The following RAD54L2 variants were observed in gnomAD, a reference collection of about 807,000 sequenced individuals.
RAD54L2 encodes helicase ARIP4.
A neutral mutation model predicts 138.4 loss-of-function variants in RAD54L2; 27 were observed. That is an observed-to-expected ratio of 0.20 (90% CI 0.14 to 0.27). RAD54L2 has a LOEUF of 0.27. Ranked by LOEUF, RAD54L2 falls within the 10% of genes least tolerant of loss-of-function variation. The pLI is 1.00. For missense variants in RAD54L2, 1,396 were observed against 1,890.2 expected, an observed-to-expected ratio of 0.74 and a Z score of 4.85; for synonymous variants, 644 against 723.2, an observed-to-expected ratio of 0.89 and a Z score of 1.76.
intron 2 of RAD54L2, among the ~76,000 whole-genome samples, chr3:51,553,923 T>G (rs1698903334): frequency 6.6e-6 from 1 of 152,200 alleles, no homozygotes; most frequent in Admixed American, 6.6e-5. Context: ...TACCTTAATT[T>G]TAAAATGCTT....
chr3:51,602,921 C>T (rs1423043544), intron 3 of RAD54L2, among the ~76,000 whole-genome samples: 7 of 152,002 alleles, frequency 4.6e-5, no homozygotes, highest in Admixed American at 4.6e-4. Flanking sequence ...GCCTTGAACT[C>T]CTGGGCTGAA....
At chr3:51,642,123 A>G (rs182695771) in intron 15 of RAD54L2, among the ~76,000 whole-genome samples, 37 of 152,194 alleles carry the variant, frequency 2.4e-4, no homozygotes, top group Non-Finnish European at 4.4e-4. Flanking sequence ...TGACAATTCA[A>G]GAACAATTGA....
At chr3:51,661,418 A>T (rs1206360842) in intron 22 of RAD54L2, among the ~76,000 whole-genome samples, 3 of 152,260 alleles carry the variant, frequency 2.0e-5, no homozygotes, top group Non-Finnish European at 4.4e-5. Context: ...TGTATTAATT[A>T]GTTCCCTGTC....
chr3:51,569,934 A>G (rs1284289740), intron 2 of RAD54L2, among the ~76,000 whole-genome samples: 2 of 151,626 alleles, frequency 1.3e-5, no homozygotes, highest in Middle Eastern at 3.4e-3. Context: ...CCCTGGGCTC[A>G]AAATACTTCC....
intron 19 of RAD54L2, among the ~76,000 whole-genome samples, chr3:51,648,034 T>A (rs935515286): frequency 6.6e-6 from 1 of 152,162 alleles, no homozygotes; most frequent in African/African-American, 2.4e-5. Flanking sequence ...GGGATTTTCC[T>A]TTCCTAGCCA....
chr3:51,628,478 C>T (rs1355471204), intron 4 of RAD54L2, among the ~76,000 whole-genome samples: 1 of 152,104 alleles, frequency 6.6e-6, no homozygotes, highest in Non-Finnish European at 1.5e-5. Context: ...GTACCCCCAC[C>T]TCCCGTGTTC....
At chr3:51,575,492 C>A (rs145874644) in intron 2 of RAD54L2, among the ~76,000 whole-genome samples, 199 of 152,182 alleles carry the variant, frequency 1.3e-3, no homozygotes, top group African/African-American at 3.9e-3. Context: ...ATGGAATGTT[C>A]TTCCATTTGT....
intron 7 of RAD54L2, 136 bp from the exon 8 acceptor site, chr3:51,633,441 C>T (rs921339316): frequency 7.2e-6 from 6 of 835,850 alleles, no homozygotes; most frequent in South Asian, 1.8e-5. Context: ...TACAGGGAAT[C>T]TTCTATGGCC....
At chr3:51,652,369 A>G (rs1173175085) in intron 19 of RAD54L2, among the ~76,000 whole-genome samples, 2 of 152,210 alleles carry the variant, frequency 1.3e-5, no homozygotes, top group Non-Finnish European at 2.9e-5. Context: ...AAGGTAATTT[A>G]TAGATTCAAT....
intron 2 of RAD54L2, among the ~76,000 whole-genome samples, chr3:51,556,270 CTTTT>C (rs574280006): frequency 1.3e-5 from 2 of 151,984 alleles, no homozygotes; most frequent in African/African-American, 4.8e-5. Context: ...TACCAATTGC[CTTTT>C]TTTGTTTTGT....
chr3:51,649,557 G>A (rs1475449417), intron 19 of RAD54L2, among the ~76,000 whole-genome samples: 2 of 152,186 alleles, frequency 1.3e-5, no homozygotes, highest in Non-Finnish European at 2.9e-5. Flanking sequence ...GAAAGGTCGG[G>A]TTACCCACAA....
At chr3:51,594,967 C>A (rs199729560) in intron 3 of RAD54L2, among the ~76,000 whole-genome samples, 4 of 140,718 alleles carry the variant, frequency 2.8e-5, no homozygotes, top group Non-Finnish European at 6.0e-5. Context: ...CAGGTTCAAG[C>A]GATTCTCCTG....
intron 3 of RAD54L2, among the ~76,000 whole-genome samples, chr3:51,615,938 ACTT>A (rs1700432949): frequency 1.3e-5 from 2 of 152,016 alleles, no homozygotes; most frequent in East Asian, 3.9e-4. Flanking sequence ...TCTTCCTACT[ACTT>A]TTCTGGGGTT....
chr3:51,539,500 G>A (rs147049589), intron 1 of RAD54L2, among the ~76,000 whole-genome samples: 164 of 152,244 alleles, frequency 1.1e-3, no homozygotes, highest in Non-Finnish European at 1.8e-3. Flanking sequence ...GATCCTCCGG[G>A]GCCCTGATGC....
Position 51,635,735 on chromosome 3 carries a change from C to T in RAD54L2, c.1285C>T (p.His429Tyr), listed in dbSNP as rs1305343146. The T allele has an allele frequency of 4.3e-6, 7 of 1,613,654 alleles. No individual in the cohort carries two copies. The South Asian group carries it at 5.5e-5, about 13-fold the overall frequency. Residue 429 changes from histidine to tyrosine, a missense_variant, in exon 10 of 23, where the codon CAC (histidine) becomes TAC (tyrosine). By Grantham distance (83) the His-to-Tyr change is moderately conservative. This residue lies in a region of RAD54L2 where 169 missense variants were observed against 235.6 expected (regional missense o/e 0.72). Transcript: ENST00000684192. ...ACCGAAGAAAACCAAGAAGCGTTCT[C>T]ACCCAGTCATCATTGATCTAGATGA... The part of the protein sequence containing the change: ...GRPKKTKKRS[H>Y]PVIIDLDEED...
chr3:51,637,045 G>C lies in RAD54L2; in HGVS notation c.1340-116G>C, dbSNP rs750442277. 1 of 935,598 alleles carries C rather than the reference G, an allele frequency of 1.1e-6. No homozygotes were observed. Among genetic ancestry groups the C allele is most frequent in the South Asian group, 1.5e-5 (1 of 65,802 alleles). 58.0% of individuals were successfully genotyped at this position (935,598 alleles called of 1,614,324 possible). Reference sequence around the variant, plus strand: ...CTCTCACCAAGGGGGGCTGACTCTTGCTTTCCTGCTTCCTTCATTTCTTCT... The same window carrying C: ...CTCTCACCAAGGGGGGCTGACTCTTCCTTTCCTGCTTCCTTCATTTCTTCT... On this transcript the variant is annotated intron_variant, in intron 10 of 22. Transcript: ENST00000684192. This position sits in a 1 kb window ranked among gnomAD's most constrained non-coding sequence, Gnocchi z 5.9.
At chr3:51,557,830 CAAAAAAAAAAAA>C (rs1166273906) in intron 2 of RAD54L2, among the ~76,000 whole-genome samples, 4 of 32,228 alleles carry the variant, frequency 1.2e-4, no homozygotes, top group Non-Finnish European at 2.1e-4. Flanking sequence ...AACTCCATCT[CAAAAAAAAAAAA>C]AAAAAAAAAA....
chr3:51,636,153 A>G (rs553004278), intron 10 of RAD54L2, among the ~76,000 whole-genome samples: 2 of 152,370 alleles, frequency 1.3e-5, no homozygotes, highest in South Asian at 4.1e-4. Context: ...CACTAATATA[A>G]AGACAAAGTA....
rs1223003475 is a variant in RAD54L2 at position 51,668,076 on chromosome 3, TGTGTGTGTGA to T, written c.*4666_*4675del. 398 of 153,056 alleles carry T rather than the reference TGTGTGTGTGA, an allele frequency of 2.6e-3. 3 individuals carry two copies. Among genetic ancestry groups the T allele is most frequent in the African/African-American group, 8.9e-3 (368 of 41,378 alleles). 9.5% of individuals were successfully genotyped at this position (153,056 alleles called of 1,614,324 possible). ...AGAGCTCAGCCCAGCTGTGTGTGTG[TGTGTGTGTGA>T]GTGTGTGTGTGTGTGTTTGTGTGCT... On this transcript the variant is annotated 3_prime_UTR_variant, in exon 23 of 23. Coordinates refer to ENST00000684192, the MANE Select transcript of RAD54L2 (RefSeq NM_015106.4).
Sources: allele counts gnomAD v4.1 joint callset (sites outside exome capture counted in the v4.1 genomes callset), GRCh38; gene constraint gnomAD v4.1.1; regional missense constraint gnomAD v4.1.1; non-coding constraint Gnocchi (gnomAD v3.1); transcripts MANE v1.5; gene names NCBI Gene and HGNC (gene_info 2026-07-23, HGNC 2026-07-21).